Variants in DYRK1A observed in about 807,000 individuals in gnomAD.
The protein encoded by DYRK1A is dual specificity tyrosine-phosphorylation-regulated kinase 1A.
Under a neutral mutation model 79.7 loss-of-function variants are expected in DYRK1A, and 9 were observed. That is an observed-to-expected ratio of 0.11 (90% CI 0.07 to 0.20). The LOEUF is 0.20. Among genes scored for constraint, DYRK1A ranks in the 10% least tolerant of loss-of-function variants. DYRK1A has a pLI of 1.00. For synonymous variants in DYRK1A, 349 were observed against 329.7 expected, an observed-to-expected ratio of 1.06 and a Z score of -0.63; for missense variants, 622 against 956.0, an observed-to-expected ratio of 0.65 and a Z score of 4.61.
intron 8 of DYRK1A, among the ~76,000 whole-genome samples, chr21:37,493,933 CTTTTTTTTTT>C (rs35158368): frequency 8.8e-4 from 101 of 114,224 alleles, no homozygotes; most frequent in African/African-American, 2.9e-3. Context: ...TTTAATTCTT[CTTTTTTTTTT>C]TTTTTTTTTT....
chr21:37,431,956 G>A lies in DYRK1A; in HGVS notation c.10+11572G>A, dbSNP rs150684431. Among the ~76,000 whole-genome samples, 1,066 of 152,122 alleles carry A rather than the reference G, an allele frequency of 7.0e-3. 13 individuals carry two copies. The highest frequency in any genetic ancestry group is 0.025 in the African/African-American group (1,023 of 41,468). ...GTTGCTAAGAAAGGTGACACTTACT[G>A]TACTATTTTGTTGTCTGGATAAGTA... On this transcript the variant is annotated intron_variant, in intron 2 of 11. Coordinates refer to ENST00000647188, the MANE Select transcript of DYRK1A (RefSeq NM_001347721.2).
At chr21:37,440,923 G>A (rs557679228) in intron 2 of DYRK1A, among the ~76,000 whole-genome samples, 3 of 152,168 alleles carry the variant, frequency 2.0e-5, no homozygotes, top group East Asian at 1.9e-4. Context: ...CAACTTGGTC[G>A]GTAGTGTTGA....
intron 2 of DYRK1A, among the ~76,000 whole-genome samples, chr21:37,445,549 T>C (rs541652791): frequency 6.6e-6 from 1 of 152,284 alleles, no homozygotes; most frequent in African/African-American, 2.4e-5. Context: ...AGATGCAGTT[T>C]TTGCTGGGAA....
intron 1 of DYRK1A, among the ~76,000 whole-genome samples, chr21:37,372,822 C>T (rs1321095266): frequency 6.6e-6 from 1 of 152,092 alleles, no homozygotes; most frequent in African/African-American, 2.4e-5. Context: ...TTCAGAGAGG[C>T]CTTCCCCAAA....
intron 2 of DYRK1A, among the ~76,000 whole-genome samples, chr21:37,436,495 T>C (rs985483738): frequency 1.5e-4 from 23 of 152,166 alleles, no homozygotes; most frequent in Admixed American, 4.6e-4. Flanking sequence ...CTGTCCACTT[T>C]TTGTGTCTGA....
At chr21:37,482,439 AG>A (rs2052682829) in intron 5 of DYRK1A, among the ~76,000 whole-genome samples, 1 of 152,204 alleles carries the variant, frequency 6.6e-6, no homozygotes, top group Non-Finnish European at 1.5e-5. Context: ...AGTTTTTATT[AG>A]GGATTTTCAA....
intron 1 of DYRK1A, among the ~76,000 whole-genome samples, chr21:37,414,133 T>C (rs1351446591): frequency 1.3e-5 from 2 of 152,196 alleles, no homozygotes; most frequent in East Asian, 3.9e-4. Flanking sequence ...TGGTGGAATT[T>C]TATTAGGTTG....
chr21:37,430,455 T>G (rs930733225), intron 2 of DYRK1A: 1 of 971,478 alleles, frequency 1.0e-6, no homozygotes, highest in African/African-American at 1.8e-5. Context: ...CAACTTGCAC[T>G]AGGATAGTTT....
At chr21:37,459,024 G>GT (rs2051752840) in intron 2 of DYRK1A, among the ~76,000 whole-genome samples, 1 of 152,304 alleles carries the variant, frequency 6.6e-6, no homozygotes, top group East Asian at 1.9e-4. Flanking sequence ...GTGGAGGACT[G>GT]TTTCTGATGC....
At chr21:37,448,175 C>T (rs1030019929) in intron 2 of DYRK1A, among the ~76,000 whole-genome samples, 3 of 152,218 alleles carry the variant, frequency 2.0e-5, no homozygotes, top group Admixed American at 6.5e-5. Flanking sequence ...AGAAGATTAA[C>T]GTGTAAAATA....
chr21:37,442,325 T>C (rs1031526224), intron 2 of DYRK1A, among the ~76,000 whole-genome samples: 10 of 152,238 alleles, frequency 6.6e-5, no homozygotes, highest in African/African-American at 2.4e-4. Context: ...TCAGGAACTT[T>C]AGTTACATGT....
At chr21:37,430,580 G>A (rs1218111076) in intron 2 of DYRK1A, among the ~76,000 whole-genome samples, 1 of 152,212 alleles carries the variant, frequency 6.6e-6, no homozygotes, top group Non-Finnish European at 1.5e-5. Context: ...ACAGGACTGA[G>A]TGCAGACTTG....
intron 1 of DYRK1A, among the ~76,000 whole-genome samples, chr21:37,404,357 C>A (rs2050111301): frequency 1.3e-5 from 2 of 152,106 alleles, no homozygotes; most frequent in Non-Finnish European, 2.9e-5. Flanking sequence ...GGTAGGGACC[C>A]CAGATCCCCC....
In DYRK1A at chr21:37,514,903, C is replaced by T. The variant is rs7720; in HGVS notation, c.*2372C>T. The T allele has an allele frequency of 0.11, 16,617 of 152,540 alleles. 1,261 individuals carry two copies. Among genetic ancestry groups the T allele is most frequent in the Non-Finnish European group, 0.16 (10,712 of 67,986 alleles). The allele number at this position is 152,540 out of a possible 1,614,324, so 9.4% of individuals were successfully genotyped here. On this transcript the variant is annotated 3_prime_UTR_variant, in exon 12 of 12. Coordinates refer to ENST00000647188, the MANE Select transcript of DYRK1A (RefSeq NM_001347721.2). ...CAAAAAACTAAAGCAGTTTTTAAAC[C>T]GATATTTACGTAAAGAAAATCATAA...
chr21:37,382,555 T>A (rs1460223616), intron 1 of DYRK1A, among the ~76,000 whole-genome samples: 2 of 152,226 alleles, frequency 1.3e-5, no homozygotes, highest in Non-Finnish European at 2.9e-5. Flanking sequence ...GGATCACACT[T>A]ACTTTACCAA....
intron 1 of DYRK1A, among the ~76,000 whole-genome samples, chr21:37,400,654 T>C (rs1205536682): frequency 2.0e-5 from 3 of 152,202 alleles, no homozygotes; most frequent in Admixed American, 2.0e-4. Flanking sequence ...TATTGTTCTT[T>C]TAGGGTCAGT....
chr21:37,454,517 A>G (rs1338425601), intron 2 of DYRK1A, among the ~76,000 whole-genome samples: 4 of 152,210 alleles, frequency 2.6e-5, no homozygotes, highest in Non-Finnish European at 4.4e-5. Context: ...AAGTGAAGCA[A>G]TGAAATGTAA....
At chr21:37,491,801 T>G (rs1156810256) in intron 7 of DYRK1A, among the ~76,000 whole-genome samples, 1 of 152,200 alleles carries the variant, frequency 6.6e-6, no homozygotes, top group Non-Finnish European at 1.5e-5. Context: ...TAAGCCAAAT[T>G]ATGTATTTTG....
intron 2 of DYRK1A, among the ~76,000 whole-genome samples, chr21:37,448,844 A>C (rs1260509653): frequency 2.0e-5 from 3 of 152,112 alleles, no homozygotes; most frequent in African/African-American, 7.2e-5. Flanking sequence ...CTATAGGCAC[A>C]TGCCACCATG....
Sources: allele counts gnomAD v4.1 joint callset (sites outside exome capture counted in the v4.1 genomes callset), GRCh38; gene constraint gnomAD v4.1.1; transcripts MANE v1.5; gene names NCBI Gene and HGNC (gene_info 2026-07-23, HGNC 2026-07-21).